PAM: variants seen among roughly 807,000 people sequenced by gnomAD.
The protein encoded by PAM is peptidylglycine alpha-amidating monooxygenase, also known as peptidyl-glycine alpha-amidating monooxygenase.
PAM carries 72 observed loss-of-function variants against 122.1 expected under a neutral mutation model. The ratio of observed to expected loss-of-function variants is 0.59; its 90% confidence interval spans 0.49 to 0.72. PAM has a LOEUF of 0.72. Ranked by LOEUF, PAM falls within the 30% of genes least tolerant of loss-of-function variation. The pLI, the probability that PAM is intolerant of heterozygous loss-of-function variation, is 0.00. For missense variants in PAM, 1,106 were observed against 1,183.7 expected (o/e 0.93, Z 0.96); for synonymous variants, 389 against 404.4 (o/e 0.96, Z 0.46).
At chr5:102,978,764 C>A (rs1007112580) in intron 15 of PAM, among the ~76,000 whole-genome samples, 3 of 151,308 alleles carry the variant, frequency 2.0e-5, no homozygotes, top group Non-Finnish European at 2.9e-5. Context: ...TCAAGTCTTG[C>A]AGAATTTTCA....
chr5:102,843,802 A>G (rs551970999), intron 1 of PAM, among the ~76,000 whole-genome samples: 3 of 152,192 alleles, frequency 2.0e-5, no homozygotes, highest in African/African-American at 4.8e-5. Context: ...TAAAAGCTCA[A>G]TGAGGTATCA....
chr5:102,805,722 C>T (rs549905270), intron 1 of PAM, among the ~76,000 whole-genome samples: 20 of 152,252 alleles, frequency 1.3e-4, no homozygotes, highest in Middle Eastern at 3.4e-3. Flanking sequence ...GGTGAGATCA[C>T]GCTGACCAAA....
chr5:102,904,406 A>T (rs1268741023), intron 4 of PAM, among the ~76,000 whole-genome samples: 1 of 151,554 alleles, frequency 6.6e-6, no homozygotes, highest in Non-Finnish European at 1.5e-5. Flanking sequence ...CCGACTCAAT[A>T]ATTGCTTGCT....
chr5:102,953,079 G>A lies in PAM; in HGVS notation c.905+2259G>A, dbSNP rs1360616893. Among the ~76,000 whole-genome samples, 3 of 152,218 alleles carry A rather than the reference G, an allele frequency of 2.0e-5. No homozygotes were observed. In the South Asian group the frequency reaches 6.2e-4, roughly 32 times the overall value. ...AGAAACTAGGTTTTACAGAAAAACC[G>A]TTGACAGTAGCCTACTAGGAAGATT... On this transcript the variant is annotated intron_variant, in intron 12 of 25. Coordinates refer to ENST00000438793, the MANE Select transcript of PAM (RefSeq NM_001177306.2).
At chr5:102,990,110 A>C (rs948214227) in intron 15 of PAM, 162 bp from the exon 16 acceptor site, 6 of 406,886 alleles carry the variant, frequency 1.5e-5, no homozygotes, top group African/African-American at 1.2e-4. Flanking sequence ...GCTACTTGGA[A>C]TGTGCATGTG....
Position 102,974,298 on chromosome 5 carries a change from G to A in PAM, c.1345G>A (p.Gly449Ser). Residue 449 changes from glycine (G) to serine (S), a missense_variant, in exon 15 of 26, where the codon GGT (glycine) becomes AGT (serine). Physicochemically the swap from Gly to Ser is moderately conservative, Grantham distance 56 (BLOSUM62 0). Transcript: ENST00000438793. ...DAREGAEHER[G>S]NAILVRDRIH... is the part of the protein sequence containing the mutation. ...CAGAGAGGGTGCAGAACATGAGAGG[G>A]GTAATGCTATTCTTGTCAGAGACAG... 6.2e-7 allele frequency: 1 copy of A among 1,613,928 alleles called. No individual in the cohort carries two copies. Among genetic ancestry groups the A allele is most frequent in the Non-Finnish European group, 8.5e-7 (1 of 1,179,888 alleles).
intron 12 of PAM, among the ~76,000 whole-genome samples, chr5:102,956,865 AT>A (rs200689407): frequency 2.0e-3 from 304 of 151,952 alleles, no homozygotes; most frequent in African/African-American, 6.8e-3. Flanking sequence ...TTTTAGTACA[AT>A]TTTTTTTCAA....
At chr5:103,006,711 C>T (rs1779091605) in intron 18 of PAM, 90 bp from the exon 19 acceptor site, 1 of 808,486 alleles carries the variant, frequency 1.2e-6, no homozygotes, top group Non-Finnish European at 2.1e-6. Flanking sequence ...GCTTCTACTC[C>T]AATTGCTTGT....
chr5:102,817,702 AGT>A, intron 1 of PAM, among the ~76,000 whole-genome samples: 1 of 131,890 alleles, frequency 7.6e-6, no homozygotes, highest in Non-Finnish European at 1.6e-5. Context: ...ATGTCAATAG[AGT>A]GGCCACAGTA....
intron 7 of PAM, among the ~76,000 whole-genome samples, chr5:102,940,044 C>G (rs1322483946): frequency 1.3e-5 from 2 of 150,766 alleles, no homozygotes; most frequent in African/African-American, 4.9e-5. Flanking sequence ...AAAAGAGAGA[C>G]AACACATTGT....
intron 5 of PAM, among the ~76,000 whole-genome samples, chr5:102,919,820 G>A (rs528213900): frequency 3.4e-4 from 51 of 152,170 alleles, no homozygotes; most frequent in African/African-American, 1.2e-3. Context: ...TGGTGAGTAT[G>A]TTCCTTGGCT....
chr5:102,960,874 T>C (rs1039745536), intron 13 of PAM, among the ~76,000 whole-genome samples: 25 of 141,044 alleles, frequency 1.8e-4, no homozygotes, highest in African/African-American at 6.3e-4. Flanking sequence ...CAAATATGAG[T>C]CATTTTGTCA....
intron 1 of PAM, among the ~76,000 whole-genome samples, chr5:102,801,524 A>G (rs1010753909): frequency 3.9e-5 from 6 of 152,144 alleles, no homozygotes; most frequent in African/African-American, 1.4e-4. Flanking sequence ...TTTAAATCCA[A>G]ACACAGTCCT....
chr5:102,788,842 G>T (rs1285662244), intron 1 of PAM, among the ~76,000 whole-genome samples: 1 of 152,072 alleles, frequency 6.6e-6, no homozygotes. Flanking sequence ...GTGTTGTGGT[G>T]GCATTATTAA....
chr5:102,935,095 C>G (rs1234668858), intron 7 of PAM, among the ~76,000 whole-genome samples: 1 of 151,734 alleles, frequency 6.6e-6, no homozygotes. Context: ...CTTGTAATAC[C>G]CCTACTATTG....
chr5:102,787,227 G>A (rs185476680), intron 1 of PAM, among the ~76,000 whole-genome samples: 30 of 152,188 alleles, frequency 2.0e-4, no homozygotes, highest in Non-Finnish European at 2.8e-4. Context: ...GGCAGAAGAA[G>A]AATAGATGTA....
intron 1 of PAM, among the ~76,000 whole-genome samples, chr5:102,841,470 T>A (rs1214066724): frequency 6.6e-6 from 1 of 151,166 alleles, no homozygotes; most frequent in Non-Finnish European, 1.5e-5. Context: ...ACATGTGCAG[T>A]CTGCATTTTT....
rs187076286 is a variant in PAM at position 102,868,210 on chromosome 5, C to T, written c.210+817C>T. 1.6e-3 allele frequency among the ~76,000 whole-genome samples: 241 copies of T among 152,334 alleles called. 2 individuals carry two copies. In the South Asian group the frequency reaches 0.017, roughly 11 times the overall value. On this transcript the variant is annotated intron_variant, in intron 3 of 25. Transcript: ENST00000438793. The stretch of plus-strand genomic sequence containing the variant: ...GAAAGACCTGGATATTGTAGAGCTG[C>T]AGTGGCTGATGACTCATTGTTGCAG...
chr5:102,791,897 A>G (rs972598435), intron 1 of PAM, among the ~76,000 whole-genome samples: 1 of 152,148 alleles, frequency 6.6e-6, no homozygotes, highest in African/African-American at 2.4e-5. Flanking sequence ...GCTATAGGGA[A>G]CATTTTAATT....
Sources: allele counts gnomAD v4.1 joint callset (sites outside exome capture counted in the v4.1 genomes callset), GRCh38; gene constraint gnomAD v4.1.1; transcripts MANE v1.5; gene names NCBI Gene and HGNC (gene_info 2026-07-23, HGNC 2026-07-21).